The following ST3GAL3 variants were observed in gnomAD, a reference collection of about 807,000 sequenced individuals.
The protein encoded by ST3GAL3 is ST3 beta-galactoside alpha-2,3-sialyltransferase 3.
Under a neutral mutation model 50.1 loss-of-function variants are expected in ST3GAL3, and 21 were observed. The observed-to-expected ratio is 0.42, with a 90% CI of 0.30 to 0.60. ST3GAL3 has a LOEUF of 0.60. ST3GAL3 is among the 20% of genes least tolerant of loss of function. The pLI is 0.19. For synonymous variants in ST3GAL3, 183 were observed against 190.0 expected, an observed-to-expected ratio of 0.96 and a Z score of 0.30; for missense variants, 353 against 489.4, an observed-to-expected ratio of 0.72 and a Z score of 2.63.
At chr1:43,886,829 G>T (rs893836672) in intron 5 of ST3GAL3, among the ~76,000 whole-genome samples, 1 of 152,190 alleles carries the variant, frequency 6.6e-6, no homozygotes, top group Non-Finnish European at 1.5e-5. Context: ...ACATGGCCAG[G>T]ACGCTTTGTC....
intron 2 of ST3GAL3, among the ~76,000 whole-genome samples, chr1:43,770,251 GGAGGA>G (rs1427467522): frequency 3.6e-5 from 5 of 137,150 alleles, no homozygotes; most frequent in Non-Finnish European, 6.3e-5. Flanking sequence ...AGAGGGGAGG[GGAGGA>G]GAGGAGAGGG....
At chr1:43,744,321 C>T (rs1314261284) in intron 2 of ST3GAL3, among the ~76,000 whole-genome samples, 2 of 151,866 alleles carry the variant, frequency 1.3e-5, no homozygotes, top group East Asian at 3.9e-4. Flanking sequence ...GTGATTTTAG[C>T]TCACTACGAC....
At chr1:43,824,683 C>A (rs1325078078) in intron 4 of ST3GAL3, 1 of 1,613,214 alleles carries the variant, frequency 6.2e-7, no homozygotes, top group Admixed American at 1.7e-5. Context: ...TCCTAGACAT[C>A]TTGAGCTATG....
At chr1:43,898,888 TC>T (rs2077793636) in intron 7 of ST3GAL3, among the ~76,000 whole-genome samples, 2 of 151,996 alleles carry the variant, frequency 1.3e-5, no homozygotes, top group Admixed American at 1.3e-4. Context: ...TTACCAAAGC[TC>T]CCTCCTCACC....
At chr1:43,718,833 G>C (rs1329872345) in intron 1 of ST3GAL3, among the ~76,000 whole-genome samples, 1 of 151,758 alleles carries the variant, frequency 6.6e-6, no homozygotes, top group East Asian at 1.9e-4. Context: ...GATTACAGGG[G>C]CCCACCACCA....
At chr1:43,712,642 G>A (rs546461223) in intron 1 of ST3GAL3, among the ~76,000 whole-genome samples, 55 of 152,336 alleles carry the variant, frequency 3.6e-4, no homozygotes, top group African/African-American at 1.3e-3. Context: ...ACCTGATATC[G>A]TGGGGAATAT....
chr1:43,927,614 GTC>G (rs1222479293), intron 11 of ST3GAL3, among the ~76,000 whole-genome samples: 1 of 152,116 alleles, frequency 6.6e-6, no homozygotes, highest in Non-Finnish European at 1.5e-5. Flanking sequence ...TTTCCTCCAA[GTC>G]TCTGTTTTCC....
chr1:43,794,356 A>G (rs1424475654), intron 3 of ST3GAL3, among the ~76,000 whole-genome samples: 1 of 152,232 alleles, frequency 6.6e-6, no homozygotes, highest in African/African-American at 2.4e-5. Flanking sequence ...TAGAATCCCA[A>G]TGAGATATCA....
chr1:43,882,931 G>A (rs1056859690), intron 5 of ST3GAL3, among the ~76,000 whole-genome samples: 8 of 147,558 alleles, frequency 5.4e-5, no homozygotes, highest in Admixed American at 4.8e-4. Flanking sequence ...TAGGTCAAGT[G>A]CCCATTCTTT....
intron 4 of ST3GAL3, among the ~76,000 whole-genome samples, chr1:43,827,228 C>T (rs1262829121): frequency 6.6e-6 from 1 of 152,050 alleles, no homozygotes; most frequent in Non-Finnish European, 1.5e-5. Context: ...GCAATTAAGG[C>T]AAGTTTTCAG....
chr1:43,734,089 C>T (rs551494242), intron 1 of ST3GAL3, among the ~76,000 whole-genome samples: 47 of 151,430 alleles, frequency 3.1e-4, no homozygotes, highest in Non-Finnish European at 5.9e-4. Context: ...CCAGCCTGGG[C>T]GACAGAGGGA....
intron 2 of ST3GAL3, among the ~76,000 whole-genome samples, chr1:43,753,937 T>G (rs914355623): frequency 3.9e-5 from 6 of 152,194 alleles, no homozygotes; most frequent in Non-Finnish European, 5.9e-5. Context: ...TACTCTCAGG[T>G]AACTTACTGT....
At chr1:43,875,980 A>T (rs1451442612) in intron 5 of ST3GAL3, among the ~76,000 whole-genome samples, 4 of 138,778 alleles carry the variant, frequency 2.9e-5, no homozygotes, top group African/African-American at 7.9e-5. Flanking sequence ...TATTATTATT[A>T]TTTTTGAGAC....
At chr1:43,824,740 G>C (rs1164729755) in intron 4 of ST3GAL3, 1 of 1,613,994 alleles carries the variant, frequency 6.2e-7, no homozygotes, top group Admixed American at 1.7e-5. Context: ...GCTCACCGAG[G>C]ACTCTCTGCA....
chr1:43,711,220 T>G (rs185498100), intron 1 of ST3GAL3, among the ~76,000 whole-genome samples: 2 of 152,336 alleles, frequency 1.3e-5, no homozygotes, highest in East Asian at 3.9e-4. Context: ...GTGTCCAGCA[T>G]GAGTGTACAG....
intron 9 of ST3GAL3, among the ~76,000 whole-genome samples, chr1:43,904,947 CTG>C (rs1293109924): frequency 0.01 from 51 of 5,100 alleles, 1 homozygote; most frequent in South Asian, 0.023. Flanking sequence ...TTCCTCCTTT[CTG>C]CCACTCTTCC....
At chr1:43,730,052 C>T (rs1674941947) in intron 1 of ST3GAL3, among the ~76,000 whole-genome samples, 1 of 152,134 alleles carries the variant, frequency 6.6e-6, no homozygotes, top group Non-Finnish European at 1.5e-5. Context: ...ATATTGTTCT[C>T]CTTGTCTTGG....
chr1:43,860,796 T>A (rs376574968), intron 5 of ST3GAL3, among the ~76,000 whole-genome samples: 1 of 152,238 alleles, frequency 6.6e-6, no homozygotes, highest in Admixed American at 6.5e-5. Context: ...ACAGTCACCA[T>A]GTTCTCCCTA....
chr1:43,712,149 A>G (rs1665085944), intron 1 of ST3GAL3, among the ~76,000 whole-genome samples: 1 of 152,196 alleles, frequency 6.6e-6, no homozygotes, highest in South Asian at 2.1e-4. Context: ...GGCAGTTGTG[A>G]GAATTAAACA....
Sources: gnomAD v4.1 joint callset for allele counts (sites outside exome capture counted in the v4.1 genomes callset) on GRCh38, gnomAD v4.1.1 for gene constraint, MANE v1.5 for transcripts, NCBI Gene and HGNC (gene_info 2026-07-23, HGNC 2026-07-21) for gene names.